The following AFF1 variants were observed in gnomAD, a reference collection of about 807,000 sequenced individuals.
AFF1 encodes the protein AF4/FMR2 family member 1.
In AFF1, 48 loss-of-function variants were observed where a neutral mutation model predicts 121.7. The observed-to-expected ratio is 0.39, with a 90% CI of 0.31 to 0.50. The LOEUF is 0.50. Ranked by LOEUF, AFF1 falls within the 20% of genes least tolerant of loss-of-function variation. The pLI, the probability that AFF1 is intolerant of heterozygous loss-of-function variation, is 0.76. For missense variants in AFF1, 1,523 were observed against 1,511.7 expected, an observed-to-expected ratio of 1.01 and a Z score of -0.12; for synonymous variants, 613 against 563.0, an observed-to-expected ratio of 1.09 and a Z score of -1.26.
intron 8 of AFF1, among the ~76,000 whole-genome samples, chr4:87,102,226 C>A (rs760000177): frequency 1.8e-4 from 27 of 152,130 alleles, no homozygotes; most frequent in African/African-American, 6.5e-4. Flanking sequence ...GTAGGTAATA[C>A]GGTTGTATAT....
chr4:86,987,194 T>G (rs546832117), intron 2 of AFF1, among the ~76,000 whole-genome samples: 39 of 152,344 alleles, frequency 2.6e-4, no homozygotes, highest in African/African-American at 8.4e-4. Context: ...TGCTGCTTTC[T>G]CTGTGCTCTG....
chr4:87,087,765 A>G (rs1723882730), intron 5 of AFF1, among the ~76,000 whole-genome samples: 1 of 152,362 alleles, frequency 6.6e-6, no homozygotes, highest in East Asian at 1.9e-4. Context: ...GGACAGCCTT[A>G]GGCATTTGGT....
rs1470195501 is a variant in AFF1 at position 87,125,116 on chromosome 4, C to T, written c.2546C>T (p.Ser849Phe). ...EIKSQSSSSS[S>F]SHKESSKTKP... ...AAATCACAGTCATCTTCATCTTCAT[C>T]CTCCCACAAAGAATCTTCTAAAACA... The change falls in exon 13 of 21, where the codon TCC becomes TTC. Residue 849 changes from serine (S) to phenylalanine (F), a missense_variant. Coordinates refer to ENST00000395146, the MANE Select transcript of AFF1 (RefSeq NM_001166693.3). The T allele has an allele frequency of 6.2e-7, 1 of 1,609,892 alleles. No homozygotes were observed. The highest frequency in any genetic ancestry group is 8.5e-7 in the Non-Finnish European group (1 of 1,177,746).
chr4:87,049,573 TG>T, intron 4 of AFF1: 4 of 432,968 alleles, frequency 9.2e-6, no homozygotes, highest in South Asian at 4.9e-5. Context: ...CATTGAAGAA[TG>T]GGGTTTTTTT....
intron 2 of AFF1, among the ~76,000 whole-genome samples, chr4:86,976,186 C>T (rs1351211027): frequency 6.6e-6 from 1 of 152,076 alleles, no homozygotes; most frequent in African/African-American, 2.4e-5. Flanking sequence ...GTAGGGCTTT[C>T]CATGCAGAAG....
chr4:86,983,477 C>T (rs1391870355), intron 2 of AFF1, among the ~76,000 whole-genome samples: 1 of 151,756 alleles, frequency 6.6e-6, no homozygotes, highest in South Asian at 2.1e-4. Flanking sequence ...TGCAGTGTGC[C>T]GAGATCACGC....
At chr4:87,046,136 GTT>G (rs770385432) in intron 2 of AFF1, 28 bp from the exon 3 acceptor site, 2 of 1,607,240 alleles carry the variant, frequency 1.2e-6, no homozygotes, top group African/African-American at 2.7e-5. Context: ...AAATTTTATT[GTT>G]TTCATTCTTT....
chr4:87,077,297 GT>G (rs35570172), intron 4 of AFF1, among the ~76,000 whole-genome samples: 123,426 of 152,038 alleles, frequency 0.81, 50,309 homozygotes, highest in African/African-American at 0.89. Flanking sequence ...GTTTTGTTTT[GT>G]TTTTTTTACA....
At chr4:87,056,917 C>T (rs971990830) in intron 4 of AFF1, among the ~76,000 whole-genome samples, 3 of 152,126 alleles carry the variant, frequency 2.0e-5, no homozygotes, top group African/African-American at 7.2e-5. Flanking sequence ...GTACTGTTAC[C>T]ATCCTGTTTT....
At chr4:87,107,238 T>C (rs1363886970) in intron 10 of AFF1, among the ~76,000 whole-genome samples, 1 of 152,228 alleles carries the variant, frequency 6.6e-6, no homozygotes, top group Non-Finnish European at 1.5e-5. Flanking sequence ...TGAATCTATT[T>C]TGAAAATATT....
chr4:87,071,956 A>G (rs994163209), intron 4 of AFF1, among the ~76,000 whole-genome samples: 7 of 152,126 alleles, frequency 4.6e-5, no homozygotes, highest in African/African-American at 1.7e-4. Flanking sequence ...TTAAAGGCCA[A>G]CGGGAATCTT....
chr4:87,115,716 C>T (rs1163985495), intron 12 of AFF1, among the ~76,000 whole-genome samples: 1 of 145,414 alleles, frequency 6.9e-6, no homozygotes, highest in African/African-American at 2.6e-5. Flanking sequence ...TGAAACGATC[C>T]TCCTACCTCA....
intron 1 of AFF1, among the ~76,000 whole-genome samples, chr4:86,939,296 A>T (rs1420330400): frequency 6.6e-6 from 1 of 152,136 alleles, no homozygotes; most frequent in Non-Finnish European, 1.5e-5. Flanking sequence ...TGACTCTGTG[A>T]CTCAAAGCCT....
intron 2 of AFF1, among the ~76,000 whole-genome samples, chr4:87,008,860 CTA>C (rs1286749648): frequency 1.3e-5 from 2 of 152,102 alleles, no homozygotes; most frequent in African/African-American, 4.8e-5. Context: ...AGGTGCTTGT[CTA>C]TATAATCTGG....
At chr4:86,951,623 CTT>C (rs1285365564) in intron 2 of AFF1, among the ~76,000 whole-genome samples, 6 of 69,454 alleles carry the variant, frequency 8.6e-5, no homozygotes, top group African/African-American at 2.3e-4. Context: ...TTCTTTTTTT[CTT>C]TTTTTTTTTT....
intron 2 of AFF1, among the ~76,000 whole-genome samples, chr4:87,044,134 C>T (rs1050330618): frequency 6.6e-6 from 1 of 152,102 alleles, no homozygotes; most frequent in African/African-American, 2.4e-5. Flanking sequence ...TAATTATTTA[C>T]CACATTGTAG....
chr4:87,046,262 T>A lies in AFF1; in HGVS notation c.135T>A (p.Ile45=), dbSNP rs1730679869. ...HQEKEAFPEK[I]PLFGEPYKTA... ...AGAAAGAGGCATTTCCTGAAAAGAT[T>A]CCCCTTTTTGGAGAGCCCTACAAGG... The change falls in exon 3 of 21, where the codon ATT becomes ATA. Residue 45 remains isoleucine, a synonymous_variant. Transcript: ENST00000395146. 1 of 1,613,462 alleles carries A rather than the reference T, an allele frequency of 6.2e-7. No individual in the cohort carries two copies. The highest frequency in any genetic ancestry group is 1.6e-4 in the Middle Eastern group (1 of 6,062).
intron 4 of AFF1, among the ~76,000 whole-genome samples, chr4:87,055,612 C>T (rs1027718666): frequency 1.3e-5 from 2 of 152,158 alleles, no homozygotes; most frequent in African/African-American, 4.8e-5. Flanking sequence ...CACATAGCCA[C>T]CCGGGTCATT....
At chr4:87,105,232 A>T (rs1725792153) in intron 8 of AFF1, among the ~76,000 whole-genome samples, 1 of 152,212 alleles carries the variant, frequency 6.6e-6, no homozygotes, top group African/African-American at 2.4e-5. Flanking sequence ...AATTGAGTAT[A>T]TTATGTATCC....
Sources: gnomAD v4.1 joint callset for allele counts (sites outside exome capture counted in the v4.1 genomes callset) on GRCh38, gnomAD v4.1.1 for gene constraint, MANE v1.5 for transcripts, NCBI Gene and HGNC (gene_info 2026-07-23, HGNC 2026-07-21) for gene names.